The following HIVEP3 variants were observed in gnomAD, a reference collection of about 807,000 sequenced individuals.
The protein encoded by HIVEP3 is transcription factor HIVEP3.
Under a neutral mutation model 152.8 loss-of-function variants are expected in HIVEP3, and 49 were observed. The ratio of observed to expected loss-of-function variants is 0.32; its 90% CI spans 0.26 to 0.41. The LOEUF is 0.41. Ranked by LOEUF, HIVEP3 falls within the 10% of genes least tolerant of loss-of-function variation. HIVEP3 has a pLI of 1.00. For synonymous variants in HIVEP3, 1,269 were observed against 1,289.0 expected (o/e 0.98, Z 0.33); for missense variants, 2,790 against 3,103.3 (o/e 0.90, Z 2.40).
At chr1:41,610,488 G>A (rs1644882017) in intron 3 of HIVEP3, among the ~76,000 whole-genome samples, 1 of 152,200 alleles carries the variant, frequency 6.6e-6, no homozygotes, top group Admixed American at 6.5e-5. Flanking sequence ...AATCCTACTG[G>A]ATGGTGGGAG....
At chr1:41,789,195 A>G (rs1278629408) in intron 1 of HIVEP3, among the ~76,000 whole-genome samples, 1 of 152,198 alleles carries the variant, frequency 6.6e-6, no homozygotes, top group African/African-American at 2.4e-5. Flanking sequence ...GGCACCTCAG[A>G]TGGAGCCAAA....
intron 1 of HIVEP3, among the ~76,000 whole-genome samples, chr1:41,733,299 G>A (rs879920150): frequency 6.6e-6 from 1 of 152,172 alleles, no homozygotes; most frequent in Non-Finnish European, 1.5e-5. Context: ...TCTGAAACCC[G>A]AGTGCTGACA....
intron 2 of HIVEP3, among the ~76,000 whole-genome samples, chr1:41,633,935 C>A (rs569379060): frequency 6.6e-6 from 1 of 152,268 alleles, no homozygotes; most frequent in East Asian, 1.9e-4. Context: ...TGGCATTTGA[C>A]AGTCTCTACA....
chr1:41,771,911 C>T (rs922949718), intron 1 of HIVEP3, among the ~76,000 whole-genome samples: 11 of 152,250 alleles, frequency 7.2e-5, no homozygotes, highest in Middle Eastern at 3.4e-3. Context: ...GTGATCCGCC[C>T]GCCTTGGCCT....
At chr1:41,594,521 C>A (rs952955406) in intron 3 of HIVEP3, among the ~76,000 whole-genome samples, 17 of 152,084 alleles carry the variant, frequency 1.1e-4, no homozygotes, top group South Asian at 4.1e-4. Flanking sequence ...CCCGCCTGGC[C>A]GATATCTTAT....
intron 1 of HIVEP3, among the ~76,000 whole-genome samples, chr1:41,844,975 G>A (rs753019840): frequency 6.6e-6 from 1 of 152,200 alleles, no homozygotes; most frequent in South Asian, 2.1e-4. Flanking sequence ...GGCCTTCAGG[G>A]CTCAAGCTTC....
chr1:42,033,291 C>T (rs1439238191), intron 1 of HIVEP3, among the ~76,000 whole-genome samples: 3 of 152,072 alleles, frequency 2.0e-5, no homozygotes, highest in Non-Finnish European at 4.4e-5. Context: ...ACATGGTTAC[C>T]CCACCTCTAT....
chr1:41,610,833 G>C (rs1343253486), intron 3 of HIVEP3, among the ~76,000 whole-genome samples: 1 of 152,192 alleles, frequency 6.6e-6, no homozygotes, highest in South Asian at 2.1e-4. Flanking sequence ...AGCACTCAGG[G>C]AATGTACTGT....
chr1:41,608,920 A>C (rs1368370805), intron 3 of HIVEP3, among the ~76,000 whole-genome samples: 1 of 150,136 alleles, frequency 6.7e-6, no homozygotes, highest in Non-Finnish European at 1.5e-5. Context: ...AAAATACCAA[A>C]AAAAAAAAAA....
At chr1:41,637,401 C>T (rs1645291425) in intron 2 of HIVEP3, among the ~76,000 whole-genome samples, 1 of 152,210 alleles carries the variant, frequency 6.6e-6, no homozygotes, top group Non-Finnish European at 1.5e-5. Flanking sequence ...CAAGCTTTGT[C>T]TATGTGACGT....
intron 5 of HIVEP3, among the ~76,000 whole-genome samples, chr1:41,546,268 G>C (rs1643801780): frequency 6.6e-6 from 1 of 152,218 alleles, no homozygotes; most frequent in Non-Finnish European, 1.5e-5. Flanking sequence ...GAGGACTGTA[G>C]TGGAGAAGGC....
intron 5 of HIVEP3, among the ~76,000 whole-genome samples, chr1:41,526,711 TCA>T (rs1303685226): frequency 8.7e-5 from 5 of 57,314 alleles, no homozygotes; most frequent in East Asian, 9.9e-4. Context: ...ACACTCACCC[TCA>T]CACACACCCT....
At chr1:41,612,679 A>G (rs1644915289) in intron 3 of HIVEP3, among the ~76,000 whole-genome samples, 1 of 152,138 alleles carries the variant, frequency 6.6e-6, no homozygotes, top group Non-Finnish European at 1.5e-5. Flanking sequence ...TGTATTCCTG[A>G]GCTATCCTTT....
intron 1 of HIVEP3, among the ~76,000 whole-genome samples, chr1:41,978,214 T>C (rs1645271938): frequency 6.6e-6 from 1 of 152,168 alleles, no homozygotes; most frequent in Non-Finnish European, 1.5e-5. Flanking sequence ...TTGGAGGTTC[T>C]CAACCCTTGT....
In HIVEP3 at chr1:41,945,251, C is replaced by T. The variant is rs544284638; in HGVS notation, n.120-26727G>A. Among the ~76,000 whole-genome samples, 6 of 152,256 alleles carry T rather than the reference C, an allele frequency of 3.9e-5. No individual in the cohort carries two copies. In the South Asian group the frequency reaches 1.2e-3, roughly 32 times the overall value. On this transcript the variant is annotated intron_variant and non_coding_transcript_variant, in intron 1 of 3. Coordinates refer to the HIVEP3 transcript ENST00000489103. ...CCCAAACGGTACAAAAGGAGATAGA[C>T]AAAGGGGTAAACAATGAACCAAAGA...
At chr1:41,861,598 G>A (rs1165100120) in intron 1 of HIVEP3, among the ~76,000 whole-genome samples, 5 of 152,164 alleles carry the variant, frequency 3.3e-5, no homozygotes, top group East Asian at 3.9e-4. Context: ...TGTGAGCGCC[G>A]CATGAGACAG....
At chr1:41,929,364 C>CT (rs1021463602) in intron 1 of HIVEP3, among the ~76,000 whole-genome samples, 3 of 151,938 alleles carry the variant, frequency 2.0e-5, no homozygotes, top group African/African-American at 7.3e-5. Flanking sequence ...CCAATAAGAG[C>CT]TTTTTCAGGT....
chr1:41,747,163 G>C (rs1647085617), intron 1 of HIVEP3, among the ~76,000 whole-genome samples: 1 of 152,214 alleles, frequency 6.6e-6, no homozygotes, highest in Admixed American at 6.5e-5. Context: ...GCAGGGGAGA[G>C]GGTAAGAAGC....
chr1:41,573,896 C>T (rs1396374045), intron 5 of HIVEP3, among the ~76,000 whole-genome samples: 1 of 152,098 alleles, frequency 6.6e-6, no homozygotes, highest in East Asian at 1.9e-4. Context: ...GAGTAGGACC[C>T]ATACCAGCTG....
Sources: gnomAD v4.1 joint callset for allele counts (sites outside exome capture counted in the v4.1 genomes callset) on GRCh38, gnomAD v4.1.1 for gene constraint, MANE v1.5 for transcripts, NCBI Gene and HGNC (gene_info 2026-07-23, HGNC 2026-07-21) for gene names.